PKD1: variants seen among roughly 807,000 people sequenced by gnomAD.
The protein encoded by PKD1 is polycystin 1, transient receptor potential channel interacting.
A neutral mutation model predicts 361.7 loss-of-function variants in PKD1; 81 were observed. The observed-to-expected ratio is 0.22, with a 90% CI of 0.19 to 0.27. The LOEUF (loss-of-function observed/expected upper bound fraction) is 0.27, where lower values mean the gene tolerates loss of function less well. Among genes scored for constraint, PKD1 ranks in the 10% least tolerant of loss-of-function variants. The pLI is 1.00. For missense variants in PKD1, 6,399 were observed against 6,118.3 expected, an observed-to-expected ratio of 1.05 and a Z score of -1.53; for synonymous variants, 3,615 against 2,818.3, an observed-to-expected ratio of 1.28 and a Z score of -8.95.
At chr16:2,119,962 C>G (rs1198947396) in intron 1 of PKD1, 1 of 607,128 alleles carries the variant, frequency 1.6e-6, no homozygotes, top group Non-Finnish European at 2.9e-6. Context: ...GCCGGTAACA[C>G]AGCACCGTGG....
rs1373602953 is a variant in PKD1 at position 2,090,208 on chromosome 16, A to G, written c.12445-14T>C. ...TTTGTGGCGGAACTGGGGGCGGCAC[A>G]GGGGCTCAGTCAGTCCGGCTGCACC... On this transcript the variant is annotated splice_polypyrimidine_tract_variant and intron_variant, in intron 45 of 45. Coordinates refer to ENST00000262304, the MANE Select transcript of PKD1 (RefSeq NM_001009944.3). The G allele has an allele frequency of 6.2e-7, 1 of 1,607,664 alleles. No individual in the cohort carries two copies. Among genetic ancestry groups the G allele is most frequent in the Admixed American group, 1.7e-5 (1 of 59,696 alleles).
intron 34 of PKD1, 88 bp from the exon 35 acceptor site, chr16:2,094,298 T>G (rs34123233): frequency 0.19 from 160,391 of 830,878 alleles, 20,630 homozygotes; most frequent in African/African-American, 0.53. Flanking sequence ...GGCAGTTTCT[T>G]GAGCCTCTTG....
chr16:2,135,026 A>C (rs2092934173), intron 1 of PKD1: 1 of 865,796 alleles, frequency 1.2e-6, no homozygotes, highest in Non-Finnish European at 1.4e-6. Context: ...TTCTGGACCC[A>C]CCTCATCGCC....
rs1448756585 is a variant in PKD1 at position 2,090,988 on chromosome 16, C to T, written c.11899G>A (p.Val3967Met). The T allele has an allele frequency of 6.5e-7, 1 of 1,536,078 alleles. No individual in the cohort carries two copies. Among genetic ancestry groups the T allele is most frequent in the Non-Finnish European group, 8.7e-7 (1 of 1,146,832 alleles). Residue 3967 changes from valine (V) to methionine (M), a missense_variant, in exon 43 of 46, where the codon GTG (valine) becomes ATG (methionine). Physicochemically the swap from Val to Met is conservative, Grantham distance 21. Transcript: ENST00000262304. ...GAADRQWTRF[V>M]RGRPRRFTSF... is the part of the protein sequence containing the mutation. ...GTGAAGCGGCGCGGGCGGCCGCGCACGAAACGGGTCCACTGGCGGTCAGCG... is the reference window on the plus strand; with the variant it reads ...GTGAAGCGGCGCGGGCGGCCGCGCATGAAACGGGTCCACTGGCGGTCAGCG...
In PKD1 at chr16:2,119,879, G is replaced by A. The variant is rs557051539; in HGVS notation, c.216-501C>T. On this transcript the variant is annotated intron_variant, in intron 1 of 45. Transcript: ENST00000262304. ...ACTACCAGGCTACCAGGGAGCACAG[G>A]GGAGCAGGCGCCACCTCGAGGCATA... The A allele has an allele frequency of 1.1e-4, 75 of 700,400 alleles. 1 individual carries two copies. Among genetic ancestry groups the A allele is most frequent in the South Asian group, 1.1e-3 (71 of 67,476 alleles). The allele number at this position is 700,400 out of a possible 1,614,324, so 43.4% of individuals were successfully genotyped here. A position where few individuals can be genotyped will look rare whatever the true frequency, so the allele number is the denominator to read the frequency against.
chr16:2,133,934 C>T lies in PKD1; in HGVS notation c.215+1541G>A, dbSNP rs1596633039. 2.0e-5 allele frequency among the ~76,000 whole-genome samples: 3 copies of T among 151,316 alleles called. No individual in the cohort carries two copies. In the East Asian group the frequency reaches 5.8e-4, roughly 29 times the overall value. ...TGGAGAACACGGGCCTTGCTCTCCG[C>T]TCAGCAGCCACCAGCGCCCTTCTCT... On this transcript the variant is annotated intron_variant, in intron 1 of 45. Transcript: ENST00000262304.
Position 2,097,414 on chromosome 16 carries a change from A to T in PKD1, c.10310T>A (p.Leu3437Gln), listed in dbSNP as rs1407203916. Reference sequence around the variant, plus strand: ...CCCATGGCCCGCCTGGCCCCGTGCCAGCTGCCGCAGATTGCTACCCACAAT... The same window carrying T: ...CCCATGGCCCGCCTGGCCCCGTGCCTGCTGCCGCAGATTGCTACCCACAAT... ...PSIVGSNLRQLARGQAGHGLG... is the reference protein window; with the variant it reads ...PSIVGSNLRQQARGQAGHGLG... The change falls in exon 33 of 46, where the codon CTG becomes CAG. Residue 3437 changes from leucine to glutamine, a missense_variant. Transcript: ENST00000262304. The T allele has an allele frequency of 6.2e-7, 1 of 1,609,356 alleles. No individual in the cohort carries two copies. The highest frequency in any genetic ancestry group is 1.1e-5 in the South Asian group (1 of 91,064).
chr16:2,120,694 C>A (rs1472223121), intron 1 of PKD1, among the ~76,000 whole-genome samples: 2 of 152,020 alleles, frequency 1.3e-5, no homozygotes, highest in Admixed American at 6.6e-5. Flanking sequence ...AGAGCAAGAC[C>A]CGGTCTCGAA....
At chr16:2,131,213 ACAT>A (rs2092874149) in intron 1 of PKD1, among the ~76,000 whole-genome samples, 1 of 152,140 alleles carries the variant, frequency 6.6e-6, no homozygotes, top group African/African-American at 2.4e-5. Context: ...AAGCTCCTAG[ACAT>A]CATCGGACAT....
rs1467390450 is a variant in PKD1 at position 2,100,277 on chromosome 16, T to G, written c.9601A>C (p.Ile3201Leu). Residue 3201 changes from isoleucine to leucine, a missense_variant, in exon 28 of 46, where the codon ATC (isoleucine) becomes CTC (leucine). Coordinates refer to ENST00000262304, the MANE Select transcript of PKD1 (RefSeq NM_001009944.3). This position sits in a 1 kb window ranked among gnomAD's most constrained non-coding sequence, Gnocchi z 4.4. ...CGTGCCGTCTGCAGGTCCCTGACGA[T>G]GACGTGCTGCAGGAACCAGGCAGGG... Reference protein sequence around the residue: ...LSPAWFLQHVIVRDLQTARSA... With the variant: ...LSPAWFLQHVLVRDLQTARSA... 17 of 1,610,666 alleles carry G rather than the reference T, an allele frequency of 1.1e-5. No individual in the cohort carries two copies. Among genetic ancestry groups the G allele is most frequent in the Non-Finnish European group, 1.4e-5 (17 of 1,179,764 alleles).
At chr16:2,099,438 G>C in intron 30 of PKD1, 2 of 672,090 alleles carry the variant, frequency 3.0e-6, no homozygotes, top group Non-Finnish European at 5.4e-6. Flanking sequence ...AAGTGCCCTC[G>C]TTCTTTCACC....
rs555703777 is a variant in PKD1, at chr16:2,093,103, G to A, written c.11017-10C>T. 1.2e-5 allele frequency: 20 copies of A among 1,610,332 alleles called. No individual in the cohort carries two copies. The highest frequency in any genetic ancestry group is 1.7e-4 in the Middle Eastern group (1 of 5,756). ...TGTACACCAGGAGGCTCTGGTGGAC[G>A]GGGGGGCCCTGTGGTCAGCCTGGCC... On this transcript the variant is annotated splice_polypyrimidine_tract_variant and intron_variant, in intron 37 of 45. Coordinates refer to ENST00000262304, the MANE Select transcript of PKD1 (RefSeq NM_001009944.3).
chr16:2,094,326 G>C (rs555846377), intron 34 of PKD1, 116 bp from the exon 35 acceptor site: 2 of 728,508 alleles, frequency 2.7e-6, no homozygotes, highest in East Asian at 2.7e-5. Context: ...GGGTCCCCCC[G>C]ACAAAAAGCC....
chr16:2,116,569 G>A lies in PKD1; in HGVS notation c.1682C>T (p.Ala561Val), dbSNP rs2092640391. 2 of 1,570,094 alleles carry A rather than the reference G, an allele frequency of 1.3e-6. No individual in the cohort carries two copies. Among genetic ancestry groups the A allele is most frequent in the African/African-American group, 1.3e-5 (1 of 74,138 alleles). The stretch of plus-strand genomic sequence containing the variant: ...CGGGGCTGAGAGGCCGTCCTGCTGT[G>A]CCAGAGGCGTCAGGGGTCCCTGCAG... ...GDLQGPLTPL[A>V]QQDGLSAPHE... Residue 561 changes from alanine (A) to valine (V), a missense_variant, in exon 8 of 46, where the codon GCA becomes GTA. Physicochemically the swap from Ala to Val is moderately conservative, Grantham distance 64 (BLOSUM62 0). Transcript: ENST00000262304.
chr16:2,089,659 A>G lies in PKD1; in HGVS notation c.*68T>C. ...ATTCTGCCTGGCCCTCGGCCTTGAC[A>G]GCGGCAGAAAGTAATACTGAGCGGT... On this transcript the variant is annotated 3_prime_UTR_variant, in exon 46 of 46. Transcript: ENST00000262304. 2 of 1,530,144 alleles carry G rather than the reference A, an allele frequency of 1.3e-6. No homozygotes were observed. The highest frequency in any genetic ancestry group is 1.8e-6 in the Non-Finnish European group (2 of 1,132,042). The allele number at this position is 1,530,144 out of a possible 1,614,324, so 94.8% of individuals were successfully genotyped here. A position where few individuals can be genotyped will look rare whatever the true frequency, so the allele number is the denominator to read the frequency against.
chr16:2,089,792 G>A lies in PKD1; in HGVS notation c.12847C>T (p.Leu4283=), dbSNP rs1339612039. Residue 4283 remains leucine, a synonymous_variant, in exon 46 of 46, where the codon CTG becomes TTG. Coordinates refer to ENST00000262304, the MANE Select transcript of PKD1 (RefSeq NM_001009944.3). ...GGTGTCCTGCTGGGGCCAGTGGCCA[G>A]GTCCACACCCCGACTGGCCCGGGCA... ...RLARASRGVD[L]ATGPSRTPLR... The A allele has an allele frequency of 6.3e-7, 1 of 1,597,840 alleles. No individual in the cohort carries two copies. Among genetic ancestry groups the A allele is most frequent in the Non-Finnish European group, 8.5e-7 (1 of 1,173,270 alleles).
At chr16:2,098,135 G>T in intron 30 of PKD1, 151 bp from the exon 31 acceptor site, 1 of 619,132 alleles carries the variant, frequency 1.6e-6, no homozygotes, top group South Asian at 1.9e-5. Context: ...TGCACCGTCC[G>T]TGATGGCAGC....
intron 1 of PKD1, chr16:2,120,297 G>A (rs13330164): frequency 0.23 from 37,570 of 163,126 alleles, 5,409 homozygotes; most frequent in African/African-American, 0.4. Flanking sequence ...CAACTTCTAC[G>A]CAAAATATAA....
chr16:2,092,864 C>G, intron 38 of PKD1, 90 bp downstream of exon 38: 1 of 1,481,390 alleles, frequency 6.8e-7, no homozygotes, highest in Non-Finnish European at 9.4e-7. Context: ...ACAAAGGTAT[C>G]TACACATGTC....
Sources: allele counts gnomAD v4.1 joint callset (sites outside exome capture counted in the v4.1 genomes callset), GRCh38; gene constraint gnomAD v4.1.1; non-coding constraint Gnocchi (gnomAD v3.1); transcripts MANE v1.5; gene names NCBI Gene and HGNC (gene_info 2026-07-23, HGNC 2026-07-21).